The following EPHX1 variants were observed in gnomAD, a reference collection of about 807,000 sequenced individuals.
EPHX1 encodes epoxide hydratase.
Under a neutral mutation model 43.2 loss-of-function variants are expected in EPHX1, and 40 were observed. That is an observed-to-expected ratio of 0.93 (90% CI 0.72 to 1.21). EPHX1 has a LOEUF of 1.21. EPHX1 is among the 50% of genes most tolerant of loss of function. EPHX1 has a pLI of 0.00. For synonymous variants in EPHX1, 221 were observed against 226.7 expected, an observed-to-expected ratio of 0.98 and a Z score of 0.22; for missense variants, 550 against 570.4, an observed-to-expected ratio of 0.96 and a Z score of 0.36.
chr1:225,824,944 G>A (rs749762793), intron 1 of EPHX1, among the ~76,000 whole-genome samples: 11 of 152,236 alleles, frequency 7.2e-5, no homozygotes, highest in Non-Finnish European at 1.6e-4. Context: ...GTAACACACT[G>A]CAGTAGAGCC....
chr1:225,834,002 G>A (rs1576014490), intron 3 of EPHX1, among the ~76,000 whole-genome samples: 1 of 149,814 alleles, frequency 6.7e-6, no homozygotes, highest in African/African-American at 2.5e-5. Flanking sequence ...GGAGGCTGAG[G>A]CAGAAGAATA....
At chr1:225,832,784 G>T (rs1169129627) in intron 3 of EPHX1, among the ~76,000 whole-genome samples, 1 of 152,078 alleles carries the variant, frequency 6.6e-6, no homozygotes, top group Non-Finnish European at 1.5e-5. Context: ...GTTTTGAGTT[G>T]CATTTTCCTA....
chr1:225,830,479 T>G (rs1258328359), intron 2 of EPHX1, among the ~76,000 whole-genome samples: 1 of 152,178 alleles, frequency 6.6e-6, no homozygotes, highest in Non-Finnish European at 1.5e-5. Flanking sequence ...ATTTTTTAGT[T>G]TTTGGAGACA....
At chr1:225,835,782 A>G (rs1667930682) in intron 3 of EPHX1, among the ~76,000 whole-genome samples, 1 of 151,648 alleles carries the variant, frequency 6.6e-6, no homozygotes, top group Non-Finnish European at 1.5e-5. Flanking sequence ...TCCTGGGCTC[A>G]AGCAATTCTC....
Position 225,845,316 on chromosome 1 carries a change from G to GC in EPHX1, c.1338dup (p.Lys447GlnfsTer37), listed in dbSNP as rs1559028794. 1 of 1,611,752 alleles carries GC rather than the reference G, an allele frequency of 6.2e-7. No homozygotes were observed. The highest frequency in any genetic ancestry group is 8.5e-7 in the Non-Finnish European group (1 of 1,179,978). On this transcript the variant is annotated frameshift_variant, in exon 9 of 9. Coordinates refer to ENST00000272167, the MANE Select transcript of EPHX1 (RefSeq NM_001136018.4). LOFTEE classifies it high-confidence loss of function. ...CCGGAGCTGCTCGCCCAGGACATCC[G>GC]CAAGTTCCTGTCGGTGCTGGAGCGG... is the stretch of plus-strand genomic sequence containing the variant.
intron 1 of EPHX1, 73 bp from the exon 2 acceptor site, chr1:225,828,652 G>A (rs987038417): frequency 3.6e-4 from 552 of 1,517,896 alleles, no homozygotes; most frequent in Non-Finnish European, 4.7e-4. Flanking sequence ...AGCCTGCTGG[G>A]GATCAGAGTC....
At chr1:225,815,126 G>A (rs1666661814) in intron 1 of EPHX1, among the ~76,000 whole-genome samples, 1 of 140,166 alleles carries the variant, frequency 7.1e-6, no homozygotes, top group South Asian at 2.2e-4. Flanking sequence ...GCCACCAGGT[G>A]GAAGAAGCAA....
chr1:225,831,548 AAAAAAAAAAAAG>A (rs1007018865), intron 2 of EPHX1, among the ~76,000 whole-genome samples: 2 of 71,444 alleles, frequency 2.8e-5, no homozygotes, highest in Non-Finnish European at 6.8e-5. Flanking sequence ...CCCTATCTCA[AAAAAAAAAAAAG>A]AAAAAAGAAA....
intron 1 of EPHX1, among the ~76,000 whole-genome samples, chr1:225,812,739 G>A (rs1666544842): frequency 6.6e-6 from 1 of 152,168 alleles, no homozygotes; most frequent in Non-Finnish European, 1.5e-5. Context: ...TCACAGCTGG[G>A]TGTACCAAAT....
rs754533122 is a variant in EPHX1, at chr1:225,844,591, G to A, written c.1134G>A (p.Leu378=). 11 of 1,614,032 alleles carry A rather than the reference G, an allele frequency of 6.8e-6. No homozygotes were observed. Among genetic ancestry groups the A allele is most frequent in the Non-Finnish European group, 9.3e-6 (11 of 1,180,024 alleles). The change falls in exon 8 of 9, where the codon CTG becomes CTA. Residue 378 remains leucine, a synonymous_variant. Coordinates refer to ENST00000272167, the MANE Select transcript of EPHX1 (RefSeq NM_001136018.4). The part of the protein sequence containing the change: ...ISSQRFYKEN[L]GQGWMTQKHE... ...CCCAGCGCTTCTACAAGGAGAACCT[G>A]GGACAGGGCTGGATGACCCAGAAGC... is the stretch of plus-strand genomic sequence containing the variant.
chr1:225,828,682 G>A (rs1251206096), intron 1 of EPHX1, 43 bp from the exon 2 acceptor site: 2 of 1,607,070 alleles, frequency 1.2e-6, no homozygotes, highest in Admixed American at 1.7e-5. Flanking sequence ...TCAGGGCCGG[G>A]CTGGGCGGGC....
chr1:225,844,075 T>TA (rs1246579885), intron 7 of EPHX1, among the ~76,000 whole-genome samples: 2 of 152,014 alleles, frequency 1.3e-5, no homozygotes, highest in Non-Finnish European at 2.9e-5. Flanking sequence ...ATGGAGATAA[T>TA]AGTACCTATG....
chr1:225,841,886 G>A (rs372170958), intron 6 of EPHX1, among the ~76,000 whole-genome samples: 4 of 152,234 alleles, frequency 2.6e-5, no homozygotes, highest in Non-Finnish European at 4.4e-5. Context: ...TTACAGGCAT[G>A]AGCCAATGCC....
intron 6 of EPHX1, 34 bp downstream of exon 6, chr1:225,840,071 G>T: frequency 6.2e-7 from 1 of 1,608,180 alleles, no homozygotes; most frequent in Non-Finnish European, 8.5e-7. Context: ...CCCACTGCCG[G>T]CTCCACTGGG....
In EPHX1 at chr1:225,839,275, C is replaced by A; in HGVS notation, c.651C>A (p.Phe217Leu). ...ACAAGCTGATGCTGCGGCTGGGCTT[C>A]CAGGAATTCTACATTCAAGGAGGGG... ...IFYKLMLRLG[F>L]QEFYIQGGDW... Residue 217 changes from phenylalanine (F) to leucine (L), a missense_variant, in exon 5 of 9, where the codon TTC becomes TTA. Physicochemically the swap from Phe to Leu is conservative, Grantham distance 22 (BLOSUM62 0). Coordinates refer to ENST00000272167, the MANE Select transcript of EPHX1 (RefSeq NM_001136018.4). 6.2e-7 allele frequency: 1 copy of A among 1,614,054 alleles called. No individual in the cohort carries two copies. Among genetic ancestry groups the A allele is most frequent in the Non-Finnish European group, 8.5e-7 (1 of 1,180,016 alleles).
At chr1:225,825,147 C>G (rs1159309296) in intron 1 of EPHX1, among the ~76,000 whole-genome samples, 1 of 152,196 alleles carries the variant, frequency 6.6e-6, no homozygotes, top group Non-Finnish European at 1.5e-5. Context: ...CCCCTTGTCC[C>G]AGATTCCCTT....
chr1:225,811,519 TTGG>T (rs979748352), intron 1 of EPHX1, among the ~76,000 whole-genome samples: 84 of 152,286 alleles, frequency 5.5e-4, no homozygotes, highest in African/African-American at 1.9e-3. Flanking sequence ...TGATGAGCTG[TTGG>T]TGGAAAATTG....
intron 6 of EPHX1, among the ~76,000 whole-genome samples, chr1:225,841,726 C>T (rs1007016332): frequency 1.3e-5 from 2 of 151,954 alleles, no homozygotes; most frequent in African/African-American, 2.4e-5. Flanking sequence ...CTCAGCCTCC[C>T]AAGTAGCTGG....
At chr1:225,843,414 CTCAT>C (rs1426336606) in intron 7 of EPHX1, among the ~76,000 whole-genome samples, 2 of 152,216 alleles carry the variant, frequency 1.3e-5, no homozygotes, top group African/African-American at 4.8e-5. Flanking sequence ...CAAAAGCAAA[CTCAT>C]TCCTGCAGGC....
Sources: gnomAD v4.1 joint callset for allele counts (sites outside exome capture counted in the v4.1 genomes callset) on GRCh38, gnomAD v4.1.1 for gene constraint, MANE v1.5 for transcripts, NCBI Gene and HGNC (gene_info 2026-07-23, HGNC 2026-07-21) for gene names.